The following CDKAL1 variants were observed in gnomAD, a reference collection of about 807,000 sequenced individuals.
CDKAL1 encodes CDKAL1 threonylcarbamoyladenosine tRNA methylthiotransferase, also known as threonylcarbamoyladenosine tRNA methylthiotransferase.
CDKAL1 carries 32 observed loss-of-function variants against 68.2 expected under a neutral mutation model. That is an observed-to-expected ratio of 0.47 (90% CI 0.35 to 0.63). The LOEUF is 0.63. Ranked by LOEUF, CDKAL1 falls within the 30% of genes least tolerant of loss-of-function variation. The pLI is 0.00. For missense variants in CDKAL1, 606 were observed against 696.7 expected (o/e 0.87, Z 1.47); for synonymous variants, 234 against 244.3 (o/e 0.96, Z 0.39).
intron 13 of CDKAL1, among the ~76,000 whole-genome samples, chr6:21,134,048 C>T (rs1775455669): frequency 6.6e-6 from 1 of 152,104 alleles, no homozygotes; most frequent in Non-Finnish European, 1.5e-5. Context: ...GTAGGTCATC[C>T]ATTTGCCGGG....
rs898542585 is a variant in CDKAL1, at chr6:20,713,451, C to G, written c.372-26068C>G. On this transcript the variant is annotated intron_variant, in intron 5 of 15. Transcript: ENST00000274695. The stretch of plus-strand genomic sequence containing the variant: ...ATTCTTAGTTCCTAATACTTACTCT[C>G]CACTCTCCAAAGACATAGACATCAT... Among the ~76,000 whole-genome samples the G allele has an allele frequency of 2.0e-5, 3 of 152,096 alleles. No individual in the cohort carries two copies. The East Asian group carries it at 5.8e-4, about 29-fold the overall frequency.
intron 7 of CDKAL1, among the ~76,000 whole-genome samples, chr6:20,770,063 G>C (rs1774873409): frequency 6.6e-6 from 1 of 151,734 alleles, no homozygotes; most frequent in Admixed American, 6.6e-5. Context: ...CATGTGTCTT[G>C]TTTCCTCTTT....
intron 4 of CDKAL1, among the ~76,000 whole-genome samples, chr6:20,631,342 A>G (rs913424030): frequency 2.6e-5 from 4 of 152,122 alleles, no homozygotes; most frequent in African/African-American, 9.7e-5. Flanking sequence ...GCTTGCATAT[A>G]TCACTGGTTA....
chr6:20,900,810 G>T (rs1333028473), intron 9 of CDKAL1, among the ~76,000 whole-genome samples: 1 of 152,100 alleles, frequency 6.6e-6, no homozygotes, highest in Non-Finnish European at 1.5e-5. Context: ...TTAAAAAAAT[G>T]AATAACATTT....
intron 8 of CDKAL1, among the ~76,000 whole-genome samples, chr6:20,799,049 T>TTTTTTG: frequency 8.9e-6 from 1 of 112,368 alleles, no homozygotes; most frequent in South Asian, 3.3e-4. Flanking sequence ...AGTTTTTTTT[T>TTTTTTG]TTTTTTTTTT....
chr6:20,719,181 A>C (rs1260531231), intron 5 of CDKAL1, among the ~76,000 whole-genome samples: 2 of 152,220 alleles, frequency 1.3e-5, no homozygotes, highest in African/African-American at 4.8e-5. Context: ...ACCCAGCCAC[A>C]GTAGAGGAGG....
At chr6:20,762,619 A>C (rs773300052) in intron 7 of CDKAL1, among the ~76,000 whole-genome samples, 4 of 152,194 alleles carry the variant, frequency 2.6e-5, no homozygotes, top group Non-Finnish European at 4.4e-5. Flanking sequence ...GTCTTTCAGC[A>C]AGTTATTTTT....
chr6:20,746,638 C>T (rs1278784670), intron 6 of CDKAL1, among the ~76,000 whole-genome samples: 1 of 152,118 alleles, frequency 6.6e-6, no homozygotes, highest in Non-Finnish European at 1.5e-5. Context: ...TTCAATCAAA[C>T]TTCGTTATGG....
chr6:21,007,526 T>C (rs1003828643), intron 11 of CDKAL1, among the ~76,000 whole-genome samples: 2 of 147,104 alleles, frequency 1.4e-5, no homozygotes, highest in African/African-American at 5.0e-5. Context: ...AATGAATTAA[T>C]GCATACTGGA....
chr6:20,864,956 G>A (rs1221257926), intron 9 of CDKAL1, among the ~76,000 whole-genome samples: 2 of 151,916 alleles, frequency 1.3e-5, no homozygotes, highest in East Asian at 1.9e-4. Flanking sequence ...GTGAGCACAG[G>A]TGTGATTATA....
At chr6:20,590,001 G>A (rs1040002335) in intron 4 of CDKAL1, among the ~76,000 whole-genome samples, 6 of 152,114 alleles carry the variant, frequency 3.9e-5, no homozygotes, top group Admixed American at 3.3e-4. Flanking sequence ...TTTATAAAAT[G>A]AGGATAATAG....
chr6:21,046,517 C>T (rs753201083), intron 11 of CDKAL1, among the ~76,000 whole-genome samples: 1 of 152,224 alleles, frequency 6.6e-6, no homozygotes, highest in South Asian at 2.1e-4. Context: ...TGAAGCCTGT[C>T]CCAGGCAGTG....
intron 15 of CDKAL1, among the ~76,000 whole-genome samples, chr6:21,230,413 T>C (rs890507450): frequency 6.6e-6 from 1 of 152,328 alleles, no homozygotes; most frequent in South Asian, 2.1e-4. Context: ...CAGCCCGCCT[T>C]GGCCTCCCAA....
rs1167783639 is a variant in CDKAL1 at position 20,748,554 on chromosome 6, GGAAAAAAAAA to G, written c.468+8940_468+8949del. 8.7e-4 allele frequency among the ~76,000 whole-genome samples: 67 copies of G among 77,076 alleles called. 3 individuals are homozygous for G. Among genetic ancestry groups the G allele is most frequent in the East Asian group, 6.0e-3 (15 of 2,498 alleles). The allele number at this position is 77,076 out of a possible 152,430, so 50.6% of individuals were successfully genotyped here. On this transcript the variant is annotated intron_variant, in intron 6 of 15. Coordinates refer to ENST00000274695, the MANE Select transcript of CDKAL1 (RefSeq NM_017774.3). ...GGAAAGAGAGCAAGACTCTGTTTCTGGAAAAAAAAAAAAAAAAAAAAAAAAAAAAAAAAAA... is the reference window on the plus strand; with the variant it reads ...GGAAAGAGAGCAAGACTCTGTTTCTGAAAAAAAAAAAAAAAAAAAAAAAAA...
intron 8 of CDKAL1, among the ~76,000 whole-genome samples, chr6:20,809,209 C>T (rs946129237): frequency 6.6e-6 from 1 of 152,162 alleles, no homozygotes; most frequent in African/African-American, 2.4e-5. Flanking sequence ...GACTTTTCAG[C>T]TACAGCTCCC....
chr6:20,918,028 T>A (rs1028268601), intron 9 of CDKAL1, among the ~76,000 whole-genome samples: 1 of 152,186 alleles, frequency 6.6e-6, no homozygotes, highest in Non-Finnish European at 1.5e-5. Flanking sequence ...TAAGAATTGT[T>A]TTAGCCTGGG....
chr6:20,974,016 C>T (rs890108855), intron 10 of CDKAL1, among the ~76,000 whole-genome samples: 2 of 152,164 alleles, frequency 1.3e-5, no homozygotes, highest in African/African-American at 2.4e-5. Flanking sequence ...TTAGGGAAAA[C>T]GTGAAGAGGA....
At chr6:20,872,682 A>G (rs537177328) in intron 9 of CDKAL1, among the ~76,000 whole-genome samples, 1 of 149,350 alleles carries the variant, frequency 6.7e-6, no homozygotes, top group South Asian at 2.2e-4. Context: ...ATCAAAGAGA[A>G]CATATTAACA....
intron 12 of CDKAL1, among the ~76,000 whole-genome samples, chr6:21,093,283 A>C (rs1773139813): frequency 6.6e-6 from 1 of 152,224 alleles, no homozygotes; most frequent in Admixed American, 6.5e-5. Context: ...ATTTTGAAGA[A>C]AAATGCTTTT....
Sources: allele counts gnomAD v4.1 joint callset (sites outside exome capture counted in the v4.1 genomes callset), GRCh38; gene constraint gnomAD v4.1.1; transcripts MANE v1.5; gene names NCBI Gene and HGNC (gene_info 2026-07-23, HGNC 2026-07-21).